SHROOM3: variants seen among roughly 807,000 people sequenced by gnomAD.
SHROOM3 encodes protein Shroom3.
Under a neutral mutation model 138.6 loss-of-function variants are expected in SHROOM3, and 47 were observed. The observed-to-expected ratio is 0.34, with a 90% CI of 0.27 to 0.43. The LOEUF (loss-of-function observed/expected upper bound fraction) is 0.43, where lower values mean the gene tolerates loss of function less well. Ranked by LOEUF, SHROOM3 falls within the 20% of genes least tolerant of loss-of-function variation. The pLI is 1.00. For missense variants in SHROOM3, 2,491 were observed against 2,596.5 expected (o/e 0.96, Z 0.88); for synonymous variants, 1,062 against 1,063.3 (o/e 1.00, Z 0.02).
At chr4:76,713,742 G>C (rs1477124293) in intron 3 of SHROOM3, among the ~76,000 whole-genome samples, 1 of 152,212 alleles carries the variant, frequency 6.6e-6, no homozygotes, top group Admixed American at 6.5e-5. Flanking sequence ...CCACGTGAGT[G>C]ATGGCTACAG....
chr4:76,642,219 A>G (rs1173768605), intron 2 of SHROOM3, among the ~76,000 whole-genome samples: 1 of 152,216 alleles, frequency 6.6e-6, no homozygotes, highest in Non-Finnish European at 1.5e-5. Context: ...TCATGAGCTC[A>G]GTGAGGGCAA....
At chr4:76,487,268 A>G (rs1378028035) in intron 1 of SHROOM3, among the ~76,000 whole-genome samples, 1 of 152,206 alleles carries the variant, frequency 6.6e-6, no homozygotes, top group East Asian at 1.9e-4. Flanking sequence ...AGCATATATC[A>G]GTACTTTATT....
chr4:76,684,467 T>A (rs542020313), intron 2 of SHROOM3, among the ~76,000 whole-genome samples: 1 of 152,280 alleles, frequency 6.6e-6, no homozygotes. Context: ...ACAGGCTCCA[T>A]GCGCATTGTA....
At chr4:76,528,366 G>T (rs550482915) in intron 1 of SHROOM3, among the ~76,000 whole-genome samples, 1 of 136,254 alleles carries the variant, frequency 7.3e-6, no homozygotes, top group South Asian at 2.3e-4. Context: ...TTTTGAGACA[G>T]GGTCTTCCTA....
chr4:76,738,947 G>T lies in SHROOM3; in HGVS notation c.774G>T (p.Ser258=), dbSNP rs764378677. 3 of 1,614,092 alleles carry T rather than the reference G, an allele frequency of 1.9e-6. No individual in the cohort carries two copies. The highest frequency in any genetic ancestry group is 1.7e-5 in the Admixed American group (1 of 60,002). ...GCCACTTCCATAACAAGAGAGACTC[G>T]GCTTACAGCTCTTTCTCCACCAGTT... ...QLSHFHNKRD[S]AYSSFSTSSS... The change falls in exon 5 of 11, where the codon TCG becomes TCT. Residue 258 remains serine (S), a synonymous_variant. Transcript: ENST00000296043.
At chr4:76,545,873 A>G (rs1267563630) in intron 1 of SHROOM3, among the ~76,000 whole-genome samples, 4 of 152,296 alleles carry the variant, frequency 2.6e-5, no homozygotes, top group East Asian at 3.9e-4. Context: ...ATTTATACCT[A>G]TGTTGGTCTG....
At chr4:76,746,329 T>G (rs1016791998) in intron 5 of SHROOM3, among the ~76,000 whole-genome samples, 9 of 152,240 alleles carry the variant, frequency 5.9e-5, no homozygotes, top group Non-Finnish European at 1.3e-4. Flanking sequence ...GTGACAGTGG[T>G]CCCATAAGAT....
chr4:76,464,644 A>G (rs67600309), intron 1 of SHROOM3, among the ~76,000 whole-genome samples: 8,774 of 152,128 alleles, frequency 0.058, 265 homozygotes, highest in Middle Eastern at 0.075. Context: ...GTAATCCCCA[A>G]TGTTGGGGGA....
intron 10 of SHROOM3, among the ~76,000 whole-genome samples, chr4:76,774,091 G>A (rs1722463837): frequency 6.6e-6 from 1 of 152,160 alleles, no homozygotes; most frequent in African/African-American, 2.4e-5. Flanking sequence ...GGATAAATTA[G>A]AGAATGAATT....
chr4:76,698,111 C>CA (rs1167493501), intron 2 of SHROOM3, among the ~76,000 whole-genome samples: 1 of 152,106 alleles, frequency 6.6e-6, no homozygotes, highest in Non-Finnish European at 1.5e-5. Context: ...ATAAAGTAAC[C>CA]ACTGGGAAAA....
chr4:76,767,804 T>C (rs1387118338), intron 9 of SHROOM3, among the ~76,000 whole-genome samples: 3 of 152,176 alleles, frequency 2.0e-5, no homozygotes, highest in Non-Finnish European at 4.4e-5. Context: ...CAACACACCA[T>C]ACTAGTTTCA....
intron 1 of SHROOM3, among the ~76,000 whole-genome samples, chr4:76,531,907 CTT>C (rs11310701): frequency 0.011 from 1,548 of 143,624 alleles, 23 homozygotes; most frequent in African/African-American, 0.028. Flanking sequence ...CCAAGTTGCT[CTT>C]TTTTTTTTTT....
chr4:76,693,365 AGTTT>A (rs1719612198), intron 2 of SHROOM3, among the ~76,000 whole-genome samples: 4 of 64,998 alleles, frequency 6.2e-5, no homozygotes, highest in African/African-American at 2.6e-4. Flanking sequence ...CATTTTGATA[AGTTT>A]GTTTTTTTTT....
At chr4:76,766,501 AG>A (rs1327207306) in intron 9 of SHROOM3, among the ~76,000 whole-genome samples, 1 of 152,242 alleles carries the variant, frequency 6.6e-6, no homozygotes, top group Non-Finnish European at 1.5e-5. Flanking sequence ...CATCTCACAC[AG>A]GGTGAGCTAA....
intron 2 of SHROOM3, among the ~76,000 whole-genome samples, chr4:76,585,921 C>A (rs1224861087): frequency 6.6e-6 from 1 of 152,208 alleles, no homozygotes; most frequent in Admixed American, 6.5e-5. Context: ...GCAGATAAAG[C>A]TGCCGACGCT....
intron 1 of SHROOM3, among the ~76,000 whole-genome samples, chr4:76,517,220 G>A (rs183696535): frequency 5.3e-5 from 8 of 152,290 alleles, no homozygotes; most frequent in African/African-American, 1.9e-4. Flanking sequence ...GAAAGAGTCC[G>A]TGTGTCTGCC....
At chr4:76,450,861 T>C (rs1730911828) in intron 1 of SHROOM3, among the ~76,000 whole-genome samples, 4 of 152,180 alleles carry the variant, frequency 2.6e-5, no homozygotes, top group Admixed American at 2.6e-4. Context: ...ACTACTTCTA[T>C]TCTGGTAACA....
chr4:76,450,638 C>T (rs1301909943), intron 1 of SHROOM3, among the ~76,000 whole-genome samples: 1 of 152,064 alleles, frequency 6.6e-6, no homozygotes. Context: ...TATTTAACTC[C>T]ACATATATGA....
intron 3 of SHROOM3, among the ~76,000 whole-genome samples, chr4:76,729,215 C>G (rs545317008): frequency 5.3e-5 from 8 of 152,036 alleles, no homozygotes; most frequent in Non-Finnish European, 1.0e-4. Context: ...AAGCTAAAAC[C>G]AGTGGTATTC....
Sources: allele counts gnomAD v4.1 joint callset (sites outside exome capture counted in the v4.1 genomes callset), GRCh38; gene constraint gnomAD v4.1.1; transcripts MANE v1.5; gene names NCBI Gene and HGNC (gene_info 2026-07-23, HGNC 2026-07-21).